RNF6: variants seen among roughly 807,000 people sequenced by gnomAD.
RNF6 encodes ring finger protein 6, also known as E3 ubiquitin-protein ligase RNF6.
A neutral mutation model predicts 50.1 loss-of-function variants in RNF6; 21 were observed. The ratio of observed to expected loss-of-function variants is 0.42; its 90% CI spans 0.30 to 0.60. The LOEUF is 0.60. Ranked by LOEUF, RNF6 falls within the 20% of genes least tolerant of loss-of-function variation. RNF6 has a pLI of 0.20. For missense variants in RNF6, 698 were observed against 838.2 expected (o/e 0.83, Z 2.07); for synonymous variants, 255 against 291.8 (o/e 0.87, Z 1.29).
intron 5 of RNF6, among the ~76,000 whole-genome samples, chr13:26,140,566 A>G (rs1249889652): frequency 6.6e-6 from 1 of 152,212 alleles, no homozygotes; most frequent in Non-Finnish European, 1.5e-5. Flanking sequence ...CCCTTTAGGA[A>G]CTGGAACAGA....
intron 5 of RNF6, among the ~76,000 whole-genome samples, chr13:26,150,262 A>C (rs1306855699): frequency 6.6e-6 from 1 of 152,100 alleles, no homozygotes; most frequent in Non-Finnish European, 1.5e-5. Context: ...CTTTCATATT[A>C]TAAACCGATC....
At chr13:26,150,081 CACAG>C (rs1195355601) in intron 5 of RNF6, among the ~76,000 whole-genome samples, 1 of 146,694 alleles carries the variant, frequency 6.8e-6, no homozygotes. Flanking sequence ...CATACACACA[CACAG>C]AGAGAGAGAG....
intron 5 of RNF6, among the ~76,000 whole-genome samples, chr13:26,169,869 A>G (rs988033838): frequency 6.6e-6 from 1 of 152,148 alleles, no homozygotes; most frequent in Non-Finnish European, 1.5e-5. Flanking sequence ...AAAACTCTTC[A>G]GTCCTTTGTT....
At chr13:26,158,220 T>C (rs1872041217) in intron 5 of RNF6, among the ~76,000 whole-genome samples, 2 of 152,206 alleles carry the variant, frequency 1.3e-5, no homozygotes, top group South Asian at 2.1e-4. Context: ...ACAGTTTCGA[T>C]GGTTTGAGGT....
At position 26,213,709 on chromosome 13, in the gene RNF6, A is replaced by T; in HGVS notation, c.*115T>A. On this transcript the variant is annotated 3_prime_UTR_variant, in exon 5 of 5. Transcript: ENST00000381588. ...AAAAAGCACACGAAAAATAGTTCAA[A>T]CTATATATAATCTGTTATTTTTCAT... The T allele has an allele frequency of 4.2e-6, 3 of 708,614 alleles. No individual in the cohort carries two copies. The highest frequency in any genetic ancestry group is 6.3e-6 in the Non-Finnish European group (3 of 473,674). The allele number at this position is 708,614 out of a possible 1,614,324, so 43.9% of individuals were successfully genotyped here. A position where few individuals can be genotyped will look rare whatever the true frequency, so the allele number is the denominator to read the frequency against.
downstream of RNF6, among the ~76,000 whole-genome samples, chr13:26,209,128 C>T (rs1203822449): frequency 1.3e-5 from 2 of 152,320 alleles, no homozygotes; most frequent in East Asian, 1.9e-4. Flanking sequence ...CCCTAGCCTG[C>T]TGTATAGAGA....
At chr13:26,144,302 G>A (rs1017799635) in intron 5 of RNF6, among the ~76,000 whole-genome samples, 1 of 152,138 alleles carries the variant, frequency 6.6e-6, no homozygotes, top group African/African-American at 2.4e-5. Flanking sequence ...TACGCAATGG[G>A]TCATCCTATC....
intron 5 of RNF6, among the ~76,000 whole-genome samples, chr13:26,139,793 CT>C (rs540300823): frequency 2.2e-4 from 34 of 152,140 alleles, no homozygotes; most frequent in African/African-American, 8.0e-4. Flanking sequence ...CTCTTAAGTC[CT>C]TTATAATTTT....
At chr13:26,177,144 AT>A (rs1212017715) in intron 5 of RNF6, among the ~76,000 whole-genome samples, 1 of 152,118 alleles carries the variant, frequency 6.6e-6, no homozygotes, top group East Asian at 1.9e-4. Flanking sequence ...TGACACCTTA[AT>A]CTTGAACTTC....
chr13:26,168,089 T>A (rs181128754), intron 5 of RNF6, among the ~76,000 whole-genome samples: 44 of 152,236 alleles, frequency 2.9e-4, no homozygotes, highest in African/African-American at 1.0e-3. Context: ...AAAAAATAAT[T>A]ATTATGTACT....
chr13:26,195,055 A>C (rs1868606547), intron 5 of RNF6, among the ~76,000 whole-genome samples: 3 of 152,206 alleles, frequency 2.0e-5, no homozygotes, highest in Admixed American at 2.0e-4. Context: ...TGGCCAAAAA[A>C]CAGTATTTGA....
chr13:26,138,660 G>A (rs372696162), intron 5 of RNF6, among the ~76,000 whole-genome samples: 4 of 152,170 alleles, frequency 2.6e-5, no homozygotes, highest in East Asian at 1.9e-4. Flanking sequence ...AATTAAAAGG[G>A]TATTAATTCA....
chr13:26,189,158 G>T (rs757004486), intron 5 of RNF6, among the ~76,000 whole-genome samples: 14 of 152,024 alleles, frequency 9.2e-5, no homozygotes, highest in Non-Finnish European at 1.3e-4. Context: ...GTGAAACTAT[G>T]TCTCTACTAA....
chr13:26,171,526 T>G lies in RNF6; in HGVS notation n.769-39075A>C, dbSNP rs187913730. ...AGTTAGACATAGAATTATCATGTTA[T>G]CCATCAATTTCACTTCTAGGTATAT... On this transcript the variant is annotated intron_variant and non_coding_transcript_variant, in intron 5 of 5. Coordinates refer to the RNF6 transcript ENST00000468480. Among the ~76,000 whole-genome samples, 498 of 152,314 alleles carry G rather than the reference T, an allele frequency of 3.3e-3. 1 individual carries two copies. Among genetic ancestry groups the G allele is most frequent in the Non-Finnish European group, 4.5e-3 (305 of 68,024 alleles).
intron 5 of RNF6, among the ~76,000 whole-genome samples, chr13:26,204,742 G>A (rs1869040053): frequency 6.6e-6 from 1 of 152,056 alleles, no homozygotes; most frequent in Admixed American, 6.6e-5. Context: ...CATGTAAGAA[G>A]GGCCTAAGAA....
At position 26,214,823 on chromosome 13, in the gene RNF6, T is replaced by A. The variant is rs780645084; in HGVS notation, c.1059A>T (p.Gln353His). The stretch of plus-strand genomic sequence containing the variant: ...TACCTCTGCGTTCTCGTTCTCTATC[T>A]TGCTCTAAAAAGACTCGAGTTCTAC... ...RRGRTRVFLE[Q>H]DRERERRGTA... The change falls in exon 5 of 5, where the codon CAA becomes CAT. Residue 353 changes from glutamine (Q) to histidine (H), a missense_variant. Physicochemically the swap from Gln to His is conservative, Grantham distance 24. Coordinates refer to ENST00000381588, the MANE Select transcript of RNF6 (RefSeq NM_005977.4). The A allele has an allele frequency of 6.2e-7, 1 of 1,614,124 alleles. No homozygotes were observed. Among genetic ancestry groups the A allele is most frequent in the Non-Finnish European group, 8.5e-7 (1 of 1,180,052 alleles).
intron 1 of RNF6, 182 bp downstream of exon 1, chr13:26,221,821 A>C (rs1870538834): frequency 6.6e-6 from 1 of 152,228 alleles, no homozygotes; most frequent in Non-Finnish European, 1.5e-5. Flanking sequence ...TCCCTTAGAG[A>C]CCTAGATTCT....
At chr13:26,198,110 GTA>G (rs1421564312) in intron 5 of RNF6, among the ~76,000 whole-genome samples, 12 of 107,018 alleles carry the variant, frequency 1.1e-4, no homozygotes, top group Non-Finnish European at 1.9e-4. Context: ...TAGTACGAAA[GTA>G]TATGTGTGTG....
At chr13:26,176,380 C>A (rs1053268065) in intron 5 of RNF6, among the ~76,000 whole-genome samples, 1 of 152,120 alleles carries the variant, frequency 6.6e-6, no homozygotes, top group African/African-American at 2.4e-5. Flanking sequence ...TCCTTGAACT[C>A]CTGAGCTCAA....
Sources: gnomAD v4.1 joint callset for allele counts (sites outside exome capture counted in the v4.1 genomes callset) on GRCh38, gnomAD v4.1.1 for gene constraint, MANE v1.5 for transcripts, NCBI Gene and HGNC (gene_info 2026-07-23, HGNC 2026-07-21) for gene names.